The following CDH23 variants were observed in gnomAD, a reference collection of about 807,000 sequenced individuals.
CDH23 encodes the protein cadherin related 23.
CDH23 carries 189 observed loss-of-function variants against 317.1 expected under a neutral mutation model. The ratio of observed to expected loss-of-function variants is 0.60; its 90% CI spans 0.53 to 0.67. The LOEUF (loss-of-function observed/expected upper bound fraction) is 0.67. Ranked by LOEUF, CDH23 falls within the 30% of genes least tolerant of loss-of-function variation. The probability of loss-of-function intolerance (pLI) is 0.00; values close to 1 mark genes in which losing one functional copy is unlikely to be tolerated. For synonymous variants in CDH23, 1,839 were observed against 1,876.8 expected, an observed-to-expected ratio of 0.98 and a Z score of 0.52; for missense variants, 4,401 against 4,592.4, an observed-to-expected ratio of 0.96 and a Z score of 1.20.
intron 1 of CDH23, among the ~76,000 whole-genome samples, chr10:71,436,966 A>G (rs1229912508): frequency 6.6e-6 from 1 of 152,218 alleles, no homozygotes; most frequent in Non-Finnish European, 1.5e-5. Flanking sequence ...TCTTTGCAGG[A>G]TATGATAGGG....
chr10:71,425,237 GAGAGAGAGA>G (rs1441841273), intron 1 of CDH23, among the ~76,000 whole-genome samples: 1 of 51,328 alleles, frequency 1.9e-5, no homozygotes, highest in African/African-American at 2.3e-4. Context: ...GAGAGGGAGA[GAGAGAGAGA>G]GAGAGAGAGA....
intron 3 of CDH23, among the ~76,000 whole-genome samples, chr10:71,499,546 G>A (rs1403012908): frequency 6.6e-6 from 1 of 151,494 alleles, no homozygotes; most frequent in Non-Finnish European, 1.5e-5. Context: ...TAGGCAACAA[G>A]AGTGAAATTC....
intron 26 of CDH23, 156 bp downstream of exon 26, chr10:71,707,205 A>T: frequency 6.7e-7 from 1 of 1,502,406 alleles, no homozygotes; most frequent in Non-Finnish European, 8.9e-7. Context: ...CCTCCCGAGG[A>T]TTTGCTCCTG....
intron 3 of CDH23, among the ~76,000 whole-genome samples, chr10:71,481,655 A>C (rs1589123214): frequency 6.6e-6 from 1 of 152,336 alleles, no homozygotes; most frequent in East Asian, 1.9e-4. Flanking sequence ...AAAGCTTTTA[A>C]GTGCTGGAAG....
intron 6 of CDH23, among the ~76,000 whole-genome samples, chr10:71,532,709 TTG>T (rs1168946645): frequency 9.4e-4 from 76 of 81,038 alleles, no homozygotes; most frequent in African/African-American, 1.1e-3. Flanking sequence ...TCTTTTGTTT[TTG>T]TTTTTTTTTT....
At chr10:71,646,421 T>C (rs576978320) in intron 13 of CDH23, 38 bp from the exon 14 acceptor site, 7 of 1,607,412 alleles carry the variant, frequency 4.4e-6, no homozygotes, top group African/African-American at 4.0e-5. Flanking sequence ...GGAGGGGACA[T>C]GTGGGAGCTT....
At position 71,706,958 on chromosome 10, in the gene CDH23, C is replaced by T. The variant is rs778559655; in HGVS notation, c.3015C>T (p.Ser1005=). ...FFPAVYNVSV[S]EDVPREFRVV... ...CGGCCGTGTACAATGTGTCTGTGTC[C>T]GAGGACGTGCCACGCGAGTTCCGGG... The change falls in exon 26 of 70, where the codon TCC becomes TCT. Residue 1005 remains serine (S), a synonymous_variant. Transcript: ENST00000224721. The T allele has an allele frequency of 1.1e-5, 17 of 1,606,880 alleles. No homozygotes were observed. The highest frequency in any genetic ancestry group is 3.4e-5 in the Admixed American group (2 of 59,114).
intron 14 of CDH23, among the ~76,000 whole-genome samples, chr10:71,664,912 T>TC (rs34541725): frequency 0.23 from 33,905 of 150,214 alleles, 4,263 homozygotes; most frequent in East Asian, 0.49. Flanking sequence ...CCTTTATCTC[T>TC]CCCCCAGCCC....
rs1840857483 is a variant in CDH23 at position 71,777,962 on chromosome 10, G to A, written c.5067+61G>A. The A allele has an allele frequency of 1.9e-6, 3 of 1,570,074 alleles. No individual in the cohort carries two copies. The African/African-American group carries it at 4.0e-5, about 21-fold the overall frequency. ...AAACCTATCCAGGGATTGGCAAGGA[G>A]TTCAGTGACACTGGAGGGGGATGGA... On this transcript the variant is annotated intron_variant, in intron 39 of 69. Transcript: ENST00000224721.
intron 6 of CDH23, among the ~76,000 whole-genome samples, chr10:71,514,001 C>T (rs1404660275): frequency 6.6e-6 from 1 of 151,968 alleles, no homozygotes; most frequent in Non-Finnish European, 1.5e-5. Context: ...GGTGGCAAAT[C>T]CAGGTCTATC....
intron 9 of CDH23, among the ~76,000 whole-genome samples, chr10:71,609,956 G>A (rs1236999798): frequency 8.3e-5 from 7 of 84,062 alleles, no homozygotes; most frequent in South Asian, 3.5e-4. Flanking sequence ...TCCCCCGTGT[G>A]TGTGTGTGTG....
intron 52 of CDH23, among the ~76,000 whole-genome samples, chr10:71,800,056 A>G (rs994486909): frequency 4.6e-5 from 7 of 152,240 alleles, no homozygotes; most frequent in African/African-American, 1.7e-4. Flanking sequence ...GGATGCCCCA[A>G]AGGGTGCCTC....
intron 18 of CDH23, among the ~76,000 whole-genome samples, chr10:71,685,852 G>A (rs1864853601): frequency 6.6e-6 from 1 of 152,196 alleles, no homozygotes; most frequent in Non-Finnish European, 1.5e-5. Flanking sequence ...CACGTGGCTG[G>A]TTTTTAAGTA....
chr10:71,454,828 TA>T (rs1211874118), intron 3 of CDH23, among the ~76,000 whole-genome samples: 1 of 146,364 alleles, frequency 6.8e-6, no homozygotes, highest in Non-Finnish European at 1.5e-5. Flanking sequence ...ATACATACTA[TA>T]TTTTTTTTAC....
rs41281332 is a variant in CDH23 at position 71,793,420 on chromosome 10, C to T, written c.6492C>T (p.Ile2164=). ...LSGTAIVTIL[I]DDINDSRPEF... Reference sequence around the variant, plus strand: ...GCACAGCCATTGTCACCATTCTGATCGATGACATCAATGACTCCCGCCCCG... The same window carrying T: ...GCACAGCCATTGTCACCATTCTGATTGATGACATCAATGACTCCCGCCCCG... The change falls in exon 48 of 70, where the codon ATC becomes ATT. Residue 2164 remains isoleucine (I), a synonymous_variant. Coordinates refer to ENST00000224721, the MANE Select transcript of CDH23 (RefSeq NM_022124.6). 4.3e-3 allele frequency: 6,865 copies of T among 1,613,958 alleles called. 237 individuals are homozygous for T. The African/African-American group carries it at 0.078, about 18-fold the overall frequency.
chr10:71,716,723 G>A (rs900885882), intron 28 of CDH23: 9 of 189,984 alleles, frequency 4.7e-5, no homozygotes, highest in South Asian at 1.9e-4. Context: ...AACGAGTTAT[G>A]GATGGTAAGA....
chr10:71,408,038 A>G (rs1183675912), intron 1 of CDH23, among the ~76,000 whole-genome samples: 3 of 152,228 alleles, frequency 2.0e-5, no homozygotes, highest in Non-Finnish European at 4.4e-5. Context: ...AATTTTTACT[A>G]AGTATTAATG....
intron 22 of CDH23, among the ~76,000 whole-genome samples, chr10:71,699,176 A>T (rs186847344): frequency 2.0e-5 from 3 of 152,358 alleles, no homozygotes; most frequent in Admixed American, 2.0e-4. Flanking sequence ...GGCACATTGT[A>T]GGTGTTCAAA....
chr10:71,428,420 G>A (rs1207287516), intron 1 of CDH23, among the ~76,000 whole-genome samples: 2 of 150,422 alleles, frequency 1.3e-5, no homozygotes, highest in African/African-American at 4.9e-5. Flanking sequence ...TTACAGATGC[G>A]AGCCACCACG....
Sources: gnomAD v4.1 joint callset for allele counts (sites outside exome capture counted in the v4.1 genomes callset) on GRCh38, gnomAD v4.1.1 for gene constraint, MANE v1.5 for transcripts, NCBI Gene and HGNC (gene_info 2026-07-23, HGNC 2026-07-21) for gene names.